Variants in HHAT observed in about 807,000 individuals in gnomAD.
HHAT encodes the protein protein-cysteine N-palmitoyltransferase HHAT.
Under a neutral mutation model 70.8 loss-of-function variants are expected in HHAT, and 47 were observed. The observed-to-expected ratio is 0.66, with a 90% CI of 0.53 to 0.85. The LOEUF (loss-of-function observed/expected upper bound fraction) is 0.85. HHAT is among the 40% of genes least tolerant of loss of function. The pLI is 0.00. For synonymous variants in HHAT, 228 were observed against 247.6 expected, an observed-to-expected ratio of 0.92 and a Z score of 0.74; for missense variants, 609 against 604.8, an observed-to-expected ratio of 1.01 and a Z score of -0.07.
At chr1:210,641,702 A>C (rs1396433558) in intron 11 of HHAT, among the ~76,000 whole-genome samples, 1 of 152,204 alleles carries the variant, frequency 6.6e-6, no homozygotes, top group Non-Finnish European at 1.5e-5. Context: ...AGAAAACTTC[A>C]CTCAGCGAAA....
rs139983015 is a variant in HHAT, at chr1:210,515,373, T to C, written c.1043+2185T>C. Among the ~76,000 whole-genome samples the C allele has an allele frequency of 4.4e-3, 665 of 152,262 alleles. 8 individuals carry two copies. Among genetic ancestry groups the C allele is most frequent in the African/African-American group, 0.015 (632 of 41,556 alleles). On this transcript the variant is annotated intron_variant, in intron 9 of 11. Transcript: ENST00000261458. ...GAGTAAGGGGTAGGGGTGTTAAAGATGGTGGCTGGGAGCAGAGTCAGTTCT... is the reference window on the plus strand; with the variant it reads ...GAGTAAGGGGTAGGGGTGTTAAAGACGGTGGCTGGGAGCAGAGTCAGTTCT...
intron 9 of HHAT, among the ~76,000 whole-genome samples, chr1:210,525,830 T>C (rs1233962516): frequency 6.6e-6 from 1 of 152,220 alleles, no homozygotes; most frequent in Non-Finnish European, 1.5e-5. Flanking sequence ...AAGCTCTGAG[T>C]CAGCGATGTT....
At chr1:210,406,062 A>C (rs917122790) in intron 6 of HHAT, among the ~76,000 whole-genome samples, 54 of 152,162 alleles carry the variant, frequency 3.5e-4, no homozygotes, top group African/African-American at 1.3e-3. Context: ...GATAAAGCCC[A>C]GGAAGGTGGT....
At chr1:210,449,257 A>G (rs1572519445) in intron 7 of HHAT, among the ~76,000 whole-genome samples, 1 of 147,172 alleles carries the variant, frequency 6.8e-6, no homozygotes, top group Non-Finnish European at 1.5e-5. Context: ...TTCCCCCCTT[A>G]GGAACAAAGC....
At chr1:210,474,843 T>G (rs540988206) in intron 8 of HHAT, among the ~76,000 whole-genome samples, 10 of 151,486 alleles carry the variant, frequency 6.6e-5, no homozygotes, top group South Asian at 4.2e-4. Flanking sequence ...TTTCCGTTTT[T>G]TTTGTTTGTT....
intron 7 of HHAT, among the ~76,000 whole-genome samples, chr1:210,425,238 T>C (rs75651337): frequency 0.047 from 7,213 of 152,312 alleles, 243 homozygotes; most frequent in Non-Finnish European, 0.056. Flanking sequence ...TTTGAGATGC[T>C]AGACATTAGA....
chr1:210,556,672 T>A (rs2095575876), intron 9 of HHAT, among the ~76,000 whole-genome samples: 1 of 152,200 alleles, frequency 6.6e-6, no homozygotes, highest in Non-Finnish European at 1.5e-5. Flanking sequence ...TTGATTGCAG[T>A]TTGGCAGATG....
chr1:210,485,536 A>G (rs1210120859), intron 8 of HHAT, among the ~76,000 whole-genome samples: 1 of 152,078 alleles, frequency 6.6e-6, no homozygotes, highest in Admixed American at 6.6e-5. Context: ...ATATCAGTCA[A>G]TTTTCACACC....
intron 8 of HHAT, among the ~76,000 whole-genome samples, chr1:210,465,573 G>T (rs1410830008): frequency 6.6e-6 from 1 of 152,102 alleles, no homozygotes; most frequent in African/African-American, 2.4e-5. Context: ...CAAACTCTGG[G>T]CTAGATCCTT....
At chr1:210,478,712 A>C (rs2094344379) in intron 8 of HHAT, among the ~76,000 whole-genome samples, 1 of 152,170 alleles carries the variant, frequency 6.6e-6, no homozygotes, top group Non-Finnish European at 1.5e-5. Flanking sequence ...AATTTTCCTT[A>C]TGACAAGTAG....
chr1:210,442,735 T>C (rs1435580938), intron 7 of HHAT, among the ~76,000 whole-genome samples: 1 of 152,218 alleles, frequency 6.6e-6, no homozygotes, highest in East Asian at 1.9e-4. Flanking sequence ...GAGTTCATTG[T>C]AGATTCTGGA....
intron 2 of HHAT, among the ~76,000 whole-genome samples, chr1:210,355,997 A>G (rs1300663366): frequency 6.6e-6 from 1 of 152,066 alleles, no homozygotes; most frequent in African/African-American, 2.4e-5. Context: ...GCTCGCTGCA[A>G]ACTCAAGTGC....
chr1:210,640,446 C>G (rs1168717736), intron 11 of HHAT, among the ~76,000 whole-genome samples: 3 of 152,050 alleles, frequency 2.0e-5, no homozygotes, highest in Non-Finnish European at 1.5e-5. Flanking sequence ...CTTCTCTGAC[C>G]ACAGAATACT....
chr1:210,651,034 A>C (rs888658455), intron 11 of HHAT, among the ~76,000 whole-genome samples: 2 of 152,168 alleles, frequency 1.3e-5, no homozygotes, highest in Admixed American at 6.5e-5. Context: ...CCCTAGGGGG[A>C]GAGAGGAACC....
At chr1:210,504,224 T>C (rs1157049634) in intron 8 of HHAT, among the ~76,000 whole-genome samples, 2 of 152,204 alleles carry the variant, frequency 1.3e-5, no homozygotes, top group African/African-American at 4.8e-5. Context: ...ATCTAGAAGG[T>C]ACTCGATAAA....
chr1:210,377,059 A>G lies in HHAT; in HGVS notation c.160-10409A>G, dbSNP rs901961835. 1.1e-4 allele frequency among the ~76,000 whole-genome samples: 16 copies of G among 152,232 alleles called. 1 individual carries two copies. The highest frequency in any genetic ancestry group is 3.9e-4 in the African/African-American group (16 of 41,460). On this transcript the variant is annotated intron_variant, in intron 3 of 11. Transcript: ENST00000261458. ...GCATATGTGAAGACTTCCTAAGTAT[A>G]AAGTAAGTTCTTTGAGTGTGAGGAT...
intron 8 of HHAT, among the ~76,000 whole-genome samples, chr1:210,477,751 C>T (rs779249612): frequency 9.2e-5 from 14 of 152,062 alleles, no homozygotes; most frequent in Non-Finnish European, 1.9e-4. Context: ...TGAGTGATTG[C>T]GAGGCAGTCA....
At chr1:210,553,486 A>G (rs1315542708) in intron 9 of HHAT, among the ~76,000 whole-genome samples, 1 of 152,200 alleles carries the variant, frequency 6.6e-6, no homozygotes, top group African/African-American at 2.4e-5. Flanking sequence ...CTTCAGAAAC[A>G]TGAGTGAAGT....
At chr1:210,513,605 A>G (rs2094999414) in intron 9 of HHAT, among the ~76,000 whole-genome samples, 1 of 152,234 alleles carries the variant, frequency 6.6e-6, no homozygotes, top group Non-Finnish European at 1.5e-5. Flanking sequence ...TTCATAATTG[A>G]AAGAGATTAC....
Sources: allele counts gnomAD v4.1 joint callset (sites outside exome capture counted in the v4.1 genomes callset), GRCh38; gene constraint gnomAD v4.1.1; transcripts MANE v1.5; gene names NCBI Gene and HGNC (gene_info 2026-07-23, HGNC 2026-07-21).